The following SLC4A9 variants were observed in gnomAD, a reference collection of about 807,000 sequenced individuals.
SLC4A9 encodes the protein solute carrier family 4 member 9, also known as anion exchange protein 4.
In SLC4A9, 102 loss-of-function variants were observed where a neutral mutation model predicts 103.2. That is an observed-to-expected ratio of 0.99 (90% CI 0.84 to 1.17). The LOEUF (loss-of-function observed/expected upper bound fraction) is 1.17, where lower values mean the gene tolerates loss of function less well. Among genes scored for constraint, SLC4A9 ranks in the 50% most tolerant of loss-of-function variants. The pLI is 0.00. For synonymous variants in SLC4A9, 453 were observed against 483.6 expected (o/e 0.94, Z 0.83); for missense variants, 1,091 against 1,193.7 (o/e 0.91, Z 1.27).
At chr5:140,361,207 C>A (rs368979297) in intron 2 of SLC4A9, 47 bp from the exon 3 acceptor site, 3 of 1,475,996 alleles carry the variant, frequency 2.0e-6, no homozygotes, top group Admixed American at 2.0e-5. Flanking sequence ...GAAGAGTGTG[C>A]GGCAGGGAAC....
In SLC4A9 at chr5:140,360,210, C is replaced by T. The variant is rs762589137; in HGVS notation, c.-27C>T. ...CCTGGCTTCAGAACCTAGGACTGTA[C>T]TGGTTCTGAGATTCTGTGCAAGCCT... On this transcript the variant is annotated 5_prime_UTR_variant, in exon 1 of 22. Transcript: ENST00000506757. 37 of 1,588,790 alleles carry T rather than the reference C, an allele frequency of 2.3e-5. No homozygotes were observed. The highest frequency in any genetic ancestry group is 2.7e-5 in the African/African-American group (2 of 74,308).
rs569131314 is a variant in SLC4A9, at chr5:140,371,261, TTCTGCTGGCATCTCCTGCTTA to T, written c.2496+99_2496+119del. The stretch of plus-strand genomic sequence containing the variant: ...CTAGCAACCCTACTCCTTTTTTCTT[TTCTGCTGGCATCTCCTGCTTA>T]CACTTGCCAATTTCCCTCTTACTCT... On this transcript the variant is annotated intron_variant, in intron 18 of 21. Transcript: ENST00000506757. 1.2e-4 allele frequency: 172 copies of T among 1,449,046 alleles called. No homozygotes were observed. In the East Asian group the frequency reaches 4.0e-3, roughly 34 times the overall value. 89.8% of individuals were successfully genotyped at this position (1,449,046 alleles called of 1,614,324 possible).
chr5:140,364,768 G>T lies in SLC4A9; in HGVS notation c.1651+143G>T, dbSNP rs1767640324. 4 of 1,012,206 alleles carry T rather than the reference G, an allele frequency of 4.0e-6. No homozygotes were observed. In the South Asian group the frequency reaches 6.8e-5, roughly 17 times the overall value. 62.7% of individuals were successfully genotyped at this position (1,012,206 alleles called of 1,614,324 possible). A position where few individuals can be genotyped will look rare whatever the true frequency, so the allele number is the denominator to read the frequency against. ...AACTGGCAGTACTATTTACACTCTG[G>T]TTCTGAATCAATTGAGAAATAAGAC... On this transcript the variant is annotated intron_variant, in intron 11 of 21. Coordinates refer to ENST00000506757, the MANE Select transcript of SLC4A9 (RefSeq NM_031467.3).
intron 14 of SLC4A9, 49 bp from the exon 15 acceptor site, chr5:140,367,371 T>C (rs1378435503): frequency 6.3e-7 from 1 of 1,583,490 alleles, no homozygotes; most frequent in Non-Finnish European, 8.6e-7. Flanking sequence ...GCAGGTGAGA[T>C]GCTCTTGGGA....
At position 140,371,559 on chromosome 5, in the gene SLC4A9, C is replaced by T; in HGVS notation, c.2605C>T (p.Leu869Phe). Reference sequence around the variant, plus strand: ...GGTCCACCTCTTCACAGCCATCCAGCTTGCCTGTCTGGGGCTGCTTTGGAT... The same window carrying T: ...GGTCCACCTCTTCACAGCCATCCAGTTTGCCTGTCTGGGGCTGCTTTGGAT... Reference protein sequence around the residue: ...TRVHLFTAIQLACLGLLWIIK... With the variant: ...TRVHLFTAIQFACLGLLWIIK... Residue 869 changes from leucine (L) to phenylalanine (F), a missense_variant, in exon 19 of 22, where the codon CTT becomes TTT. By Grantham distance (22) the Leu-to-Phe change is conservative. Coordinates refer to ENST00000506757, the MANE Select transcript of SLC4A9 (RefSeq NM_031467.3). The T allele has an allele frequency of 4.3e-6, 7 of 1,614,060 alleles. No homozygotes were observed. Among genetic ancestry groups the T allele is most frequent in the Non-Finnish European group, 5.9e-6 (7 of 1,179,908 alleles).
chr5:140,360,866 CCACG>C lies in SLC4A9; in HGVS notation c.286_289del (p.His96CysfsTer37). 6.2e-7 allele frequency: 1 copy of C among 1,612,722 alleles called. No individual in the cohort carries two copies. Among genetic ancestry groups the C allele is most frequent in the Non-Finnish European group, 8.5e-7 (1 of 1,179,654 alleles). On this transcript the variant is annotated frameshift_variant, in exon 2 of 22. Coordinates refer to ENST00000506757, the MANE Select transcript of SLC4A9 (RefSeq NM_031467.3). LOFTEE classifies it high-confidence loss of function. ...TGGCTGCAGGCCGGTGGAGTGCCCC[CCACG>C]TGCCCACCCTGGCACTGCCCAGCCT... is the stretch of plus-strand genomic sequence containing the variant.
intron 16 of SLC4A9, 30 bp from the exon 17 acceptor site, chr5:140,368,557 A>T (rs533955233): frequency 6.2e-7 from 1 of 1,604,206 alleles, no homozygotes; most frequent in East Asian, 2.2e-5. Context: ...ACTCTCCCAG[A>T]CCTCAGCTAA....
chr5:140,366,823 T>C (rs1283010682), intron 14 of SLC4A9, among the ~76,000 whole-genome samples: 1 of 152,150 alleles, frequency 6.6e-6, no homozygotes. Flanking sequence ...TTGCCTACCC[T>C]GATCCAGGAA....
In SLC4A9 at chr5:140,367,492, G is replaced by A. The variant is rs376952398; in HGVS notation, c.2086G>A (p.Ala696Thr). 9 of 1,603,972 alleles carry A rather than the reference G, an allele frequency of 5.6e-6. No individual in the cohort carries two copies. The highest frequency in any genetic ancestry group is 3.3e-4 in the Middle Eastern group (2 of 6,054). The change falls in exon 15 of 22, where the codon GCC becomes ACC. Residue 696 changes from alanine (A) to threonine (T), a missense_variant. Ala to Thr is a moderately conservative substitution (Grantham distance 58). Coordinates refer to ENST00000506757, the MANE Select transcript of SLC4A9 (RefSeq NM_031467.3). ...ANPWWWSVAA[A>T]LPALLLSILI... ...CCCCTGGTGGTGGAGTGTGGCAGCT[G>A]CCCTGCCTGCCCTGCTGCTGTCTAT...
At position 140,363,390 on chromosome 5, in the gene SLC4A9, C is replaced by G. The variant is rs1346504766; in HGVS notation, c.963-49C>G. 1 of 1,508,046 alleles carries G rather than the reference C, an allele frequency of 6.6e-7. No individual in the cohort carries two copies. The highest frequency in any genetic ancestry group is 9.0e-7 in the Non-Finnish European group (1 of 1,109,570). 93.4% of individuals were successfully genotyped at this position (1,508,046 alleles called of 1,614,324 possible). ...GCGCCACGAGCTCTGGACCGAGTCG[C>G]AGACTGGTTGGAGATCCTCAGCCAA... On this transcript the variant is annotated intron_variant, in intron 7 of 21. Coordinates refer to ENST00000506757, the MANE Select transcript of SLC4A9 (RefSeq NM_031467.3). This position sits in a 1 kb window ranked among gnomAD's most constrained non-coding sequence, Gnocchi z 4.5.
At position 140,371,106 on chromosome 5, in the gene SLC4A9, G is replaced by A. The variant is rs1440079543; in HGVS notation, c.2439G>A (p.Met813Ile). The change falls in exon 18 of 22, where the codon ATG becomes ATA. Residue 813 changes from methionine (M) to isoleucine (I), a missense_variant. Coordinates refer to ENST00000506757, the MANE Select transcript of SLC4A9 (RefSeq NM_031467.3). ...CTTCTTTCTACCAGTTCATTCCAAT[G>A]CCTGTGCTCTATGGCATCTTCCTGT... is the stretch of plus-strand genomic sequence containing the variant. ...FLAPVLKFIP[M>I]PVLYGIFLYM... 1 of 1,611,508 alleles carries A rather than the reference G, an allele frequency of 6.2e-7. No homozygotes were observed.
chr5:140,361,483 A>C lies in SLC4A9; in HGVS notation c.505+116A>C. On this transcript the variant is annotated intron_variant, in intron 3 of 21. Coordinates refer to ENST00000506757, the MANE Select transcript of SLC4A9 (RefSeq NM_031467.3). ...GGCTTAGTTCAGGCTCCAACCCAGG[A>C]CTCATGAGCAAGAGGAAACTGGTGG... is the stretch of plus-strand genomic sequence containing the variant. 4.9e-6 allele frequency: 4 copies of C among 809,204 alleles called. No individual in the cohort carries two copies. The South Asian group carries it at 7.2e-5, about 14-fold the overall frequency. 50.1% of individuals were successfully genotyped at this position (809,204 alleles called of 1,614,324 possible).
intron 5 of SLC4A9, 116 bp from the exon 6 acceptor site, chr5:140,362,329 A>T: frequency 8.1e-7 from 1 of 1,237,290 alleles, no homozygotes; most frequent in Middle Eastern, 1.9e-4. Flanking sequence ...GCTGCATGGT[A>T]GGTGTGCAAA....
chr5:140,372,646 G>A, intron 20 of SLC4A9, 99 bp from the exon 21 acceptor site: 1 of 1,448,976 alleles, frequency 6.9e-7, no homozygotes. Context: ...TCTCAACTCT[G>A]ATCTTTGTTT....
At chr5:140,369,245 G>A (rs1017225493) in intron 17 of SLC4A9, among the ~76,000 whole-genome samples, 1 of 151,046 alleles carries the variant, frequency 6.6e-6, no homozygotes, top group African/African-American at 2.4e-5. Flanking sequence ...AGTGCAGTAG[G>A]TGGTGATCAC....
intron 5 of SLC4A9, 46 bp from the exon 6 acceptor site, chr5:140,362,399 G>C: frequency 6.4e-7 from 1 of 1,572,276 alleles, no homozygotes; most frequent in Middle Eastern, 1.7e-4. Flanking sequence ...GGGCTGCCCT[G>C]TGGGAAAGCA....
At position 140,374,534 on chromosome 5, in the gene SLC4A9, G is replaced by C. The variant is rs545655812; in HGVS notation, c.*46-293G>C. Among the ~76,000 whole-genome samples, 37 of 102,166 alleles carry C rather than the reference G, an allele frequency of 3.6e-4. 1 individual carries two copies. The highest frequency in any genetic ancestry group is 1.3e-3 in the African/African-American group (34 of 25,926). 67.0% of individuals were successfully genotyped at this position (102,166 alleles called of 152,430 possible). On this transcript the variant is annotated intron_variant, in intron 21 of 21. Coordinates refer to ENST00000506757, the MANE Select transcript of SLC4A9 (RefSeq NM_031467.3). Reference sequence around the variant, plus strand: ...CATTGCACTCCAGCCTGGGCGACAAGAGCAAAACTCCCTCTCAAAAAAAAA... The same window carrying C: ...CATTGCACTCCAGCCTGGGCGACAACAGCAAAACTCCCTCTCAAAAAAAAA...
chr5:140,374,550 C>CAA (rs70988749), intron 21 of SLC4A9, among the ~76,000 whole-genome samples: 571 of 47,198 alleles, frequency 0.012, 1 homozygote, highest in African/African-American at 0.016. Flanking sequence ...AACTCCCTCT[C>CAA]AAAAAAAAAA....
rs576703563 is a variant in SLC4A9, at chr5:140,374,395, A to AC, written c.*46-431dup. Among the ~76,000 whole-genome samples the AC allele has an allele frequency of 4.6e-3, 703 of 151,926 alleles. 5 individuals are homozygous for AC. Among genetic ancestry groups the AC allele is most frequent in the African/African-American group, 0.016 (681 of 41,392 alleles). On this transcript the variant is annotated intron_variant, in intron 21 of 21. Coordinates refer to ENST00000506757, the MANE Select transcript of SLC4A9 (RefSeq NM_031467.3). ...GCCAACATGGTGAAACCCTGTCTCTACTAAAAATACAAAAATTAGCTGGGT... is the reference window on the plus strand; with the variant it reads ...GCCAACATGGTGAAACCCTGTCTCTACCTAAAAATACAAAAATTAGCTGGGT...
Sources: allele counts gnomAD v4.1 joint callset (sites outside exome capture counted in the v4.1 genomes callset), GRCh38; gene constraint gnomAD v4.1.1; non-coding constraint Gnocchi (gnomAD v3.1); transcripts MANE v1.5; gene names NCBI Gene and HGNC (gene_info 2026-07-23, HGNC 2026-07-21).